The following RBM10 variants were observed in gnomAD, a reference collection of about 807,000 sequenced individuals.
RBM10 encodes RNA binding motif protein 10.
A neutral mutation model predicts 84.9 loss-of-function variants in RBM10; 1 was observed. The ratio of observed to expected loss-of-function variants is 0.01; its 90% confidence interval spans 0.00 to 0.06. The LOEUF (loss-of-function observed/expected upper bound fraction) is 0.06, where lower values mean the gene tolerates loss of function less well. RBM10 is among the 10% of genes least tolerant of loss of function. The pLI is 1.00. For synonymous variants in RBM10, 326 were observed against 344.5 expected (o/e 0.95, Z 0.60); for missense variants, 438 against 839.0 (o/e 0.52, Z 5.90).
intron 2 of RBM10, among the ~76,000 whole-genome samples, chrX:47,162,344 A>G (rs1933781135): frequency 8.9e-6 from 1 of 112,394 alleles, no homozygotes; most frequent in Admixed American, 9.5e-5. Context: ...TTTTCCATAC[A>G]GTCTTGCTGT....
rs1935600931 is a variant in RBM10 at position 47,182,194 on chromosome X, G to A, written c.1818G>A (p.Leu606=). The change falls in exon 17 of 24, where the codon CTG becomes CTA. Residue 606 remains leucine, a synonymous_variant. Transcript: ENST00000377604. The part of the protein sequence containing the change: ...YYYNAQSQQY[L]YWDGERRTYV... Reference sequence around the variant, plus strand: ...ACAATGCTCAGAGCCAGCAGTACCTGTACTGGGATGGGGAGAGGCGGACCT... The same window carrying A: ...ACAATGCTCAGAGCCAGCAGTACCTATACTGGGATGGGGAGAGGCGGACCT... The A allele has an allele frequency of 7.4e-6, 9 of 1,212,097 alleles. No individual in the cohort carries two copies. The highest frequency in any genetic ancestry group is 1.0e-5 in the Non-Finnish European group (9 of 895,585).
chrX:47,160,152 A>G (rs1020862146), intron 2 of RBM10, among the ~76,000 whole-genome samples: 4 of 112,346 alleles, frequency 3.6e-5, no homozygotes, highest in African/African-American at 6.5e-5. Flanking sequence ...AAAAAGAAAA[A>G]AAATCCTAGA....
At chrX:47,152,176 C>T (rs1193029692) in intron 2 of RBM10, among the ~76,000 whole-genome samples, 2 of 111,967 alleles carry the variant, frequency 1.8e-5, no homozygotes, top group Non-Finnish European at 3.8e-5. Flanking sequence ...CGTGCCACTG[C>T]ACTCCATCCT....
intron 9 of RBM10, 170 bp downstream of exon 9, chrX:47,179,665 T>C: frequency 5.3e-6 from 4 of 759,028 alleles, no homozygotes; most frequent in Non-Finnish European, 5.8e-6. Flanking sequence ...CCACCTGACT[T>C]TGGGGGTGTG....
chrX:47,151,774 A>T (rs1556763707), intron 2 of RBM10, among the ~76,000 whole-genome samples: 1 of 112,555 alleles, frequency 8.9e-6, no homozygotes, highest in Non-Finnish European at 1.9e-5. Flanking sequence ...GAATGTGTCT[A>T]AAGTTTCTCC....
At position 47,185,520 on chromosome X, in the gene RBM10, C is replaced by A. The variant is rs1020509809; in HGVS notation, c.2245C>A (p.Arg749=). 4.2e-6 allele frequency: 5 copies of A among 1,180,470 alleles called. No homozygotes were observed. Among genetic ancestry groups the A allele is most frequent in the Non-Finnish European group, 5.7e-6 (5 of 879,665 alleles). ...GGAGCAGGAGCGTGGGGGCCCTGAG[C>A]GGGAGGAGAAGCTCACCGACTGGCA... ...EEEQERGGPE[R]EEKLTDWQKL... The change falls in exon 20 of 24, where the codon CGG becomes AGG. Residue 749 remains arginine (R), a synonymous_variant. Transcript: ENST00000377604.
At chrX:47,169,608 A>G in intron 3 of RBM10, 110 bp downstream of exon 3, 1 of 838,787 alleles carries the variant, frequency 1.2e-6, no homozygotes, top group Non-Finnish European at 1.7e-6. Context: ...GTGCCTTCAG[A>G]CTGTGCTCGG....
chrX:47,157,118 C>T (rs781872194), intron 2 of RBM10: 5 of 252,837 alleles, frequency 2.0e-5, no homozygotes, highest in Admixed American at 4.5e-5. Flanking sequence ...TGCTCGGCTG[C>T]TCTTGAACAG....
chrX:47,173,531 C>T (rs1167903895), intron 5 of RBM10, among the ~76,000 whole-genome samples: 1 of 112,369 alleles, frequency 8.9e-6, no homozygotes, highest in Non-Finnish European at 1.9e-5. Context: ...CACTCCCTTC[C>T]CTCTCCTTTC....
chrX:47,148,453 G>A (rs1048600548), intron 2 of RBM10, among the ~76,000 whole-genome samples: 5 of 111,544 alleles, frequency 4.5e-5, no homozygotes, highest in African/African-American at 9.8e-5. Flanking sequence ...GCAGAGGTTT[G>A]AGTTCATCAT....
At chrX:47,169,521 C>G (rs1556771195) in intron 3 of RBM10, 23 bp downstream of exon 3, 1 of 1,192,200 alleles carries the variant, frequency 8.4e-7, no homozygotes, top group South Asian at 1.8e-5. Context: ...CGCGCTGCGC[C>G]AGGCCTGGCT....
rs371490596 is a variant in RBM10 at position 47,185,638 on chromosome X, C to T, written c.2355+8C>T. On this transcript the variant is annotated splice_region_variant and intron_variant, in intron 20 of 23. Coordinates refer to ENST00000377604, the MANE Select transcript of RBM10 (RefSeq NM_005676.5). ...CTCTCAGGGCTCCACAAGGTAACAG[C>T]GGATGGTTGGCAGGGCATGCTGGGG... 18 of 1,206,393 alleles carry T rather than the reference C, an allele frequency of 1.5e-5. No individual in the cohort carries two copies. Among genetic ancestry groups the T allele is most frequent in the East Asian group, 5.9e-5 (2 of 33,695 alleles).
At chrX:47,170,555 C>T (rs1026315253) in intron 3 of RBM10, among the ~76,000 whole-genome samples, 2 of 112,871 alleles carry the variant, frequency 1.8e-5, no homozygotes, top group Non-Finnish European at 3.8e-5. Flanking sequence ...CTGCCTGGCT[C>T]TGGCTGAGAT....
At chrX:47,148,291 T>C (rs1216229316) in intron 2 of RBM10, among the ~76,000 whole-genome samples, 1 of 112,591 alleles carries the variant, frequency 8.9e-6, no homozygotes, top group Non-Finnish European at 1.9e-5. Context: ...AGTCTTGGCT[T>C]TCATTAGAAA....
At chrX:47,159,267 G>T (rs1402882240) in intron 2 of RBM10, among the ~76,000 whole-genome samples, 1 of 111,194 alleles carries the variant, frequency 9.0e-6, no homozygotes, top group Non-Finnish European at 1.9e-5. Flanking sequence ...AAATTAGCCA[G>T]GCGTGGTGGC....
rs1302265367 is a variant in RBM10, at chrX:47,181,525, A to G, written c.1454A>G (p.Glu485Gly). The G allele has an allele frequency of 8.3e-7, 1 of 1,210,089 alleles. No individual in the cohort carries two copies. The highest frequency in any genetic ancestry group is 1.1e-6 in the Non-Finnish European group (1 of 895,082). ...CTTACAGGTCCCGAGGCCTCCCTAG[A>G]GCCTGGGGCCGACTCTGTGTCGATG... ...PTGAGPEASL[E>G]PGADSVSMQA... is the part of the protein sequence containing the mutation. Residue 485 changes from glutamate to glycine, a missense_variant, in exon 14 of 24, where the codon GAG becomes GGG. This residue lies in a region of RBM10 where 97 missense variants were observed against 110.3 expected (regional missense o/e 0.88). Coordinates refer to ENST00000377604, the MANE Select transcript of RBM10 (RefSeq NM_005676.5).
chrX:47,145,269 T>G lies in RBM10; in HGVS notation c.-342T>G. ...GCCGACTCCCTTCTCGTCGTCGCCA[T>G]TTTGAGCTGGTGACTGTGGCCGGCT... On this transcript the variant is annotated 5_prime_UTR_variant, in exon 1 of 24. Coordinates refer to ENST00000377604, the MANE Select transcript of RBM10 (RefSeq NM_005676.5). 2 of 511,644 alleles carry G rather than the reference T, an allele frequency of 3.9e-6. No individual in the cohort carries two copies. The highest frequency in any genetic ancestry group is 6.8e-6 in the Non-Finnish European group (2 of 296,022). 42.2% of individuals were successfully genotyped at this position (511,644 alleles called of 1,213,427 possible). A position where few individuals can be genotyped will look rare whatever the true frequency, so the allele number is the denominator to read the frequency against.
In RBM10 at chrX:47,164,044, A is replaced by AT. The variant is rs1421800955; in HGVS notation, c.18-5265dup. On this transcript the variant is annotated intron_variant, in intron 2 of 23. Coordinates refer to ENST00000377604, the MANE Select transcript of RBM10 (RefSeq NM_005676.5). ...CCACCACGCCCGGCTAATTTTTTGT[A>AT]TTTTTTAGTAGAGACGGGGTTTCAC... Among the ~76,000 whole-genome samples the AT allele has an allele frequency of 1.6e-4, 17 of 106,846 alleles. No homozygotes were observed. The East Asian group carries it at 3.0e-3, about 19-fold the overall frequency. 92.8% of individuals were successfully genotyped at this position (106,846 alleles called of 115,157 possible). A position where few individuals can be genotyped will look rare whatever the true frequency, so the allele number is the denominator to read the frequency against.
rs782052151 is a variant in RBM10 at position 47,161,866 on chromosome X, C to CA, written c.18-7448dup. Among the ~76,000 whole-genome samples the CA allele has an allele frequency of 3.7e-5, 4 of 108,939 alleles. No homozygotes were observed. The East Asian group carries it at 8.8e-4, about 24-fold the overall frequency. The allele number at this position is 108,939 out of a possible 115,157, so 94.6% of individuals were successfully genotyped here. On this transcript the variant is annotated intron_variant, in intron 2 of 23. Coordinates refer to ENST00000377604, the MANE Select transcript of RBM10 (RefSeq NM_005676.5). ...TTTTTTGTTTTTGTTTGTTTTGAGA[C>CA]AGAGTCTCACTCTGTTGCCAGGCTG...
Sources: gnomAD v4.1 joint callset for allele counts (sites outside exome capture counted in the v4.1 genomes callset) on GRCh38, gnomAD v4.1.1 for gene constraint, gnomAD v4.1.1 regional missense constraint, MANE v1.5 for transcripts, NCBI Gene and HGNC (gene_info 2026-07-23, HGNC 2026-07-21) for gene names.